SORBS2: variants seen among roughly 807,000 people sequenced by gnomAD.
The protein encoded by SORBS2 is sorbin and SH3 domain-containing protein 2.
SORBS2 carries 46 observed loss-of-function variants against 97.7 expected under a neutral mutation model. That is an observed-to-expected ratio of 0.47 (90% CI 0.37 to 0.60). The LOEUF (loss-of-function observed/expected upper bound fraction) is 0.60, where lower values mean the gene tolerates loss of function less well. Among genes scored for constraint, SORBS2 ranks in the 20% least tolerant of loss-of-function variants. SORBS2 has a pLI of 0.00. For missense variants in SORBS2, 1,316 were observed against 1,282.3 expected, an observed-to-expected ratio of 1.03 and a Z score of -0.40; for synonymous variants, 476 against 473.4, an observed-to-expected ratio of 1.01 and a Z score of -0.07.
chr4:185,903,799 G>T (rs541547015), intron 1 of SORBS2, among the ~76,000 whole-genome samples: 1 of 152,152 alleles, frequency 6.6e-6, no homozygotes, highest in African/African-American at 2.4e-5. Flanking sequence ...CCTGGCTTTG[G>T]TTGTAAAGGA....
At chr4:185,821,480 G>A (rs2099196781) in intron 1 of SORBS2, among the ~76,000 whole-genome samples, 1 of 152,170 alleles carries the variant, frequency 6.6e-6, no homozygotes, top group Non-Finnish European at 1.5e-5. Context: ...CTGCAGTGCA[G>A]TGGCTCCATC....
rs553298025 is a variant in SORBS2, at chr4:185,756,480, G to GA, written c.-198+18746dup. ...AAATCATATCAGTCAGTTCACAAAA[G>GA]AAAAAAATATTTAAGCCACCTAAAA... On this transcript the variant is annotated intron_variant, in intron 2 of 20. Transcript: ENST00000284776. 6.6e-5 allele frequency among the ~76,000 whole-genome samples: 10 copies of GA among 151,970 alleles called. No individual in the cohort carries two copies. In the South Asian group the frequency reaches 1.9e-3, roughly 28 times the overall value.
chr4:185,733,157 G>C (rs1258844581), intron 2 of SORBS2, among the ~76,000 whole-genome samples: 1 of 152,250 alleles, frequency 6.6e-6, no homozygotes, highest in Non-Finnish European at 1.5e-5. Context: ...TCTAGAAACT[G>C]ATACAGTGGC....
intron 1 of SORBS2, among the ~76,000 whole-genome samples, chr4:185,899,039 TC>T (rs2099246307): frequency 6.6e-6 from 1 of 152,106 alleles, no homozygotes; most frequent in African/African-American, 2.4e-5. Context: ...TCTTCCATGA[TC>T]ACAGTGTGCA....
chr4:185,854,040 A>T (rs1453065226), intron 1 of SORBS2, among the ~76,000 whole-genome samples: 1 of 152,224 alleles, frequency 6.6e-6, no homozygotes, highest in African/African-American at 2.4e-5. Context: ...AACAGGTTCT[A>T]TACTAAAGAG....
intron 1 of SORBS2, among the ~76,000 whole-genome samples, chr4:185,871,800 G>T (rs2099230566): frequency 6.6e-6 from 1 of 152,154 alleles, no homozygotes; most frequent in African/African-American, 2.4e-5. Flanking sequence ...GTATTGTGCT[G>T]GCTTTCTAGA....
rs202166226 is a variant in SORBS2, at chr4:185,889,444, A to AT, written c.-338+66751dup. On this transcript the variant is annotated intron_variant, in intron 1 of 20. Coordinates refer to the SORBS2 transcript ENST00000284776. ...CCTGGTCTCCGTGTTCACCTCTGCT[A>AT]TTTTTTTTCAAATTCATTAGTGATT... is the stretch of plus-strand genomic sequence containing the variant. Among the ~76,000 whole-genome samples the AT allele has an allele frequency of 6.0e-3, 903 of 150,666 alleles. 6 individuals carry two copies. The highest frequency in any genetic ancestry group is 0.021 in the African/African-American group (841 of 40,940).
At chr4:185,891,867 C>T (rs2099242713) in intron 1 of SORBS2, among the ~76,000 whole-genome samples, 1 of 152,072 alleles carries the variant, frequency 6.6e-6, no homozygotes, top group Non-Finnish European at 1.5e-5. Flanking sequence ...CAGAGTCTTG[C>T]TCTGTCTCCA....
At chr4:185,657,070 A>G (rs935380801), upstream of SORBS2, 1 of 397,104 alleles carries the variant, frequency 2.5e-6, no homozygotes, top group Non-Finnish European at 3.7e-6. Flanking sequence ...CAGCCAAAGA[A>G]TTTCCATTGT....
intron 1 of SORBS2, among the ~76,000 whole-genome samples, chr4:185,878,530 C>T (rs546060844): frequency 2.7e-4 from 41 of 152,274 alleles, no homozygotes; most frequent in African/African-American, 9.9e-4. Flanking sequence ...ATATCCAAGC[C>T]CTCAGCATGT....
intron 1 of SORBS2, among the ~76,000 whole-genome samples, chr4:185,908,300 T>TTTGTATACACACAA (rs1338879974): frequency 1.6e-4 from 15 of 94,210 alleles, no homozygotes; most frequent in Admixed American, 1.2e-3. Context: ...TATATATATA[T>TTTGTATACACACAA]ATATATATAT....
chr4:185,657,402 C>T (rs1195146563), upstream of SORBS2: 2 of 1,517,512 alleles, frequency 1.3e-6, no homozygotes, highest in African/African-American at 1.4e-5. Flanking sequence ...CCCAGACAGA[C>T]GCACACGCTG....
chr4:185,786,307 A>G (rs1338466467), intron 1 of SORBS2, among the ~76,000 whole-genome samples: 2 of 152,238 alleles, frequency 1.3e-5, no homozygotes, highest in African/African-American at 4.8e-5. Context: ...TAGTAAGTAG[A>G]GAAGGCTAAA....
chr4:185,648,720 C>T (rs73030036), intron 3 of SORBS2, among the ~76,000 whole-genome samples: 4,467 of 152,182 alleles, frequency 0.029, 217 homozygotes, highest in African/African-American at 0.1. Context: ...TTGGACATAA[C>T]GAGCTGCATG....
chr4:185,860,083 G>T (rs1030105182), intron 1 of SORBS2, among the ~76,000 whole-genome samples: 1 of 152,204 alleles, frequency 6.6e-6, no homozygotes, highest in Non-Finnish European at 1.5e-5. Flanking sequence ...ATAAGCAGGT[G>T]CAGGTTCCAG....
intron 1 of SORBS2, among the ~76,000 whole-genome samples, chr4:185,873,814 A>C (rs2149750160): frequency 6.6e-6 from 1 of 152,312 alleles, no homozygotes; most frequent in South Asian, 2.1e-4. Flanking sequence ...AAAGAGGACT[A>C]TTGTATGCAG....
chr4:185,829,456 TACAC>T (rs1334612469), intron 1 of SORBS2, among the ~76,000 whole-genome samples: 1 of 152,146 alleles, frequency 6.6e-6, no homozygotes, highest in African/African-American at 2.4e-5. Flanking sequence ...TGTGATTACA[TACAC>T]ACAAAGTGAA....
At chr4:185,752,033 C>T (rs2098803570) in intron 2 of SORBS2, among the ~76,000 whole-genome samples, 2 of 152,010 alleles carry the variant, frequency 1.3e-5, no homozygotes, top group South Asian at 4.1e-4. Context: ...CTGCTGAACA[C>T]CCAGCAGCAC....
intron 1 of SORBS2, among the ~76,000 whole-genome samples, chr4:185,871,751 G>A (rs1425787389): frequency 6.6e-6 from 1 of 152,162 alleles, no homozygotes; most frequent in African/African-American, 2.4e-5. Flanking sequence ...AGTCACTCTT[G>A]CTTGGAAATA....
Sources: gnomAD v4.1 joint callset for allele counts (sites outside exome capture counted in the v4.1 genomes callset) on GRCh38, gnomAD v4.1.1 for gene constraint, MANE v1.5 for transcripts, NCBI Gene and HGNC (gene_info 2026-07-23, HGNC 2026-07-21) for gene names.